ALDH1L1: variants seen among roughly 807,000 people sequenced by gnomAD.
The protein encoded by ALDH1L1 is cytosolic 10-formyltetrahydrofolate dehydrogenase.
ALDH1L1 carries 68 observed loss-of-function variants against 101.1 expected under a neutral mutation model. That is an observed-to-expected ratio of 0.67 (90% CI 0.55 to 0.82). The LOEUF is 0.82. ALDH1L1 is among the 40% of genes least tolerant of loss of function. The probability of loss-of-function intolerance (pLI) is 0.00; values close to 1 mark genes in which losing one functional copy is unlikely to be tolerated. For missense variants in ALDH1L1, 1,087 were observed against 1,172.7 expected (o/e 0.93, Z 1.07); for synonymous variants, 486 against 470.8 (o/e 1.03, Z -0.42).
chr3:126,141,897 T>C lies in ALDH1L1; in HGVS notation c.1077-3937A>G, dbSNP rs191090779. ...AGAGACCAGAAAAAAAAACAGCAAA[T>C]CAACAAAATCAAATTTAGATTTCTT... On this transcript the variant is annotated intron_variant, in intron 9 of 22. Transcript: ENST00000393434. 2.2e-3 allele frequency among the ~76,000 whole-genome samples: 331 copies of C among 150,764 alleles called. 1 individual carries two copies. The highest frequency in any genetic ancestry group is 7.6e-3 in the African/African-American group (314 of 41,156).
intron 20 of ALDH1L1, 143 bp downstream of exon 20, chr3:126,109,801 A>G (rs1946017267): frequency 8.2e-7 from 1 of 1,214,506 alleles, no homozygotes; most frequent in Non-Finnish European, 1.1e-6. Flanking sequence ...AGCCCAGTCC[A>G]TCCCAGGTCC....
At chr3:126,152,747 C>T (rs1054009737) in intron 7 of ALDH1L1, 13 of 159,430 alleles carry the variant, frequency 8.2e-5, no homozygotes, top group African/African-American at 2.9e-4. Flanking sequence ...AGCATCACGG[C>T]TTTGGAGCCA....
At chr3:126,117,864 G>A (rs949757103) in intron 17 of ALDH1L1, 141 bp downstream of exon 17, 65 of 822,342 alleles carry the variant, frequency 7.9e-5, no homozygotes, top group Middle Eastern at 3.0e-4. Context: ...CCTCTTCAGC[G>A]TTTGCATAGA....
At position 126,158,580 on chromosome 3, in the gene ALDH1L1, C is replaced by T. The variant is rs1414130216; in HGVS notation, c.187G>A (p.Gly63Arg). 1 of 1,614,202 alleles carries T rather than the reference C, an allele frequency of 6.2e-7. No homozygotes were observed. Among genetic ancestry groups the T allele is most frequent in the Admixed American group, 1.7e-5 (1 of 60,032 alleles). The change falls in exon 3 of 23, where the codon GGA becomes AGA. Residue 63 changes from glycine (G) to arginine (R), a missense_variant. Physicochemically the swap from Gly to Arg is moderately radical, Grantham distance 125. Around this residue, in one of 2 missense-constraint regions of ALDH1L1, gnomAD observed 645 missense variants for 637.0 expected, o/e 1.01. Coordinates refer to ENST00000393434, the MANE Select transcript of ALDH1L1 (RefSeq NM_012190.4). Reference sequence around the variant, plus strand: ...GCCACCACATCAGGCAAAGCCTGTCCTTTTGCACGCCACCGGGAGTACTTG... The same window carrying T: ...GCCACCACATCAGGCAAAGCCTGTCTTTTTGCACGCCACCGGGAGTACTTG... ...VFKYSRWRAK[G>R]QALPDVVAKY...
chr3:126,181,250 C>T (rs891802451), upstream of ALDH1L1: 2 of 563,102 alleles, frequency 3.6e-6, no homozygotes, highest in Admixed American at 3.0e-5. Flanking sequence ...TGTAGAATGC[C>T]GGGAGTGATA....
chr3:126,146,748 A>C, intron 9 of ALDH1L1, 87 bp downstream of exon 9: 2 of 1,426,410 alleles, frequency 1.4e-6, no homozygotes, highest in Admixed American at 3.8e-5. Flanking sequence ...AGTGTAACAA[A>C]TGGTTGTTTC....
intron 9 of ALDH1L1, among the ~76,000 whole-genome samples, chr3:126,141,683 C>T (rs2080571187): frequency 6.6e-6 from 1 of 151,996 alleles, no homozygotes; most frequent in Admixed American, 6.5e-5. Context: ...CATACCAAAA[C>T]TTATGAGAGG....
chr3:126,177,412 G>C (rs1466073322), intron 1 of ALDH1L1, among the ~76,000 whole-genome samples: 3 of 152,218 alleles, frequency 2.0e-5, no homozygotes, highest in African/African-American at 7.2e-5. Flanking sequence ...GAAAGACATG[G>C]AGGATGCTTA....
intron 12 of ALDH1L1, 67 bp downstream of exon 12, chr3:126,135,467 GT>G (rs2080414152): frequency 2.0e-6 from 3 of 1,533,192 alleles, no homozygotes; most frequent in South Asian, 1.2e-5. Flanking sequence ...CTCCACAGAA[GT>G]CCCCCCCGTG....
At chr3:126,189,099 G>C (rs1026311206) in intron 1 of ALDH1L1, among the ~76,000 whole-genome samples, 3 of 152,182 alleles carry the variant, frequency 2.0e-5, no homozygotes, top group Admixed American at 6.5e-5. Context: ...CAGAAGTCCA[G>C]CTCTATAAAA....
intron 13 of ALDH1L1, 35 bp from the exon 14 acceptor site, chr3:126,130,328 C>A: frequency 1.3e-6 from 2 of 1,570,154 alleles, no homozygotes; most frequent in South Asian, 1.2e-5. Context: ...CCCAGGGGCC[C>A]AGGGTCCACA....
At chr3:126,164,022 T>C (rs1249735533) in intron 1 of ALDH1L1, among the ~76,000 whole-genome samples, 2 of 151,838 alleles carry the variant, frequency 1.3e-5, no homozygotes, top group African/African-American at 4.8e-5. Context: ...TCCCAGCTAC[T>C]TGGGAGGCTG....
At chr3:126,110,240 G>T in intron 19 of ALDH1L1, 131 bp from the exon 20 acceptor site, 1 of 1,189,406 alleles carries the variant, frequency 8.4e-7, no homozygotes, top group Non-Finnish European at 1.2e-6. Context: ...AGGGCTTTCT[G>T]AATTCTGACT....
intron 21 of ALDH1L1, 142 bp from the exon 22 acceptor site, chr3:126,106,067 G>GA: frequency 1.1e-6 from 1 of 882,502 alleles, no homozygotes; most frequent in Non-Finnish European, 1.7e-6. Flanking sequence ...CCGGGGGCAA[G>GA]ATTGGGTTGG....
Position 126,197,649 on chromosome 3 carries a change from T to C in ALDH1L1, c.-24+86A>G, listed in dbSNP as rs550412228. On this transcript the variant is annotated intron_variant, in intron 1 of 2. Transcript: ENST00000509952. ...ACTGAGAGCTCAAAACACAAATCCA[T>C]GGAGCTCCGAAATCCGAGAGAGAAT... 3.3e-5 allele frequency: 5 copies of C among 152,088 alleles called. 1 individual carries two copies. The South Asian group carries it at 1.0e-3, about 32-fold the overall frequency. 9.4% of individuals were successfully genotyped at this position (152,088 alleles called of 1,614,324 possible).
At chr3:126,158,130 G>A (rs1239128641) in intron 3 of ALDH1L1, among the ~76,000 whole-genome samples, 3 of 152,174 alleles carry the variant, frequency 2.0e-5, no homozygotes, top group Admixed American at 6.5e-5. Flanking sequence ...CTCTGTCTCA[G>A]CTGGGGGATG....
intron 21 of ALDH1L1, among the ~76,000 whole-genome samples, chr3:126,106,395 G>A (rs907595522): frequency 6.6e-6 from 1 of 152,158 alleles, no homozygotes. Flanking sequence ...ATGTGAGGAC[G>A]AGGCACGATT....
chr3:126,105,981 C>T (rs1395174325), intron 21 of ALDH1L1, 56 bp from the exon 22 acceptor site: 3 of 1,548,400 alleles, frequency 1.9e-6, no homozygotes, highest in Non-Finnish European at 2.6e-6. Flanking sequence ...AGAGCCTGGC[C>T]CACTCCACAC....
intron 19 of ALDH1L1, among the ~76,000 whole-genome samples, chr3:126,110,484 T>C (rs1946044024): frequency 6.6e-6 from 1 of 152,162 alleles, no homozygotes; most frequent in Admixed American, 6.5e-5. Flanking sequence ...AGGAACTGTT[T>C]GTCCGGGGGA....
Sources: gnomAD v4.1 joint callset for allele counts (sites outside exome capture counted in the v4.1 genomes callset) on GRCh38, gnomAD v4.1.1 for gene constraint, gnomAD v4.1.1 regional missense constraint, MANE v1.5 for transcripts, NCBI Gene and HGNC (gene_info 2026-07-23, HGNC 2026-07-21) for gene names.